The following SPAG9 variants were observed in gnomAD, a reference collection of about 807,000 sequenced individuals.
SPAG9 encodes sperm associated antigen 9, also known as C-Jun-amino-terminal kinase-interacting protein 4.
SPAG9 carries 35 observed loss-of-function variants against 166.5 expected under a neutral mutation model. The observed-to-expected ratio is 0.21, with a 90% confidence interval of 0.16 to 0.28. SPAG9 has a LOEUF of 0.28. Among genes scored for constraint, SPAG9 ranks in the 10% least tolerant of loss-of-function variants. The pLI, the probability that SPAG9 is intolerant of heterozygous loss-of-function variation, is 1.00. For synonymous variants in SPAG9, 534 were observed against 565.5 expected, an observed-to-expected ratio of 0.94 and a Z score of 0.79; for missense variants, 1,235 against 1,603.3, an observed-to-expected ratio of 0.77 and a Z score of 3.92.
Position 50,977,030 on chromosome 17 carries a change from C to G in SPAG9, c.3523+78G>C, listed in dbSNP as rs1025765360. On this transcript the variant is annotated intron_variant, in intron 27 of 29. Transcript: ENST00000262013. ...CCATCACTGATTTTCTGAGCTAACA[C>G]AGATTTGAATTTCAGACATAACTAT... 48 of 904,000 alleles carry G rather than the reference C, an allele frequency of 5.3e-5. No individual in the cohort carries two copies. In the East Asian group the frequency reaches 1.1e-3, roughly 21 times the overall value. 56.0% of individuals were successfully genotyped at this position (904,000 alleles called of 1,614,324 possible).
intron 3 of SPAG9, among the ~76,000 whole-genome samples, chr17:51,054,173 G>A (rs899654599): frequency 7.9e-6 from 1 of 126,672 alleles, no homozygotes; most frequent in African/African-American, 3.0e-5. Context: ...CTGGAGTGTA[G>A]TGGCACAATA....
At chr17:51,064,404 C>G (rs2047603373) in intron 2 of SPAG9, among the ~76,000 whole-genome samples, 1 of 152,212 alleles carries the variant, frequency 6.6e-6, no homozygotes, top group Admixed American at 6.5e-5. Flanking sequence ...AACTGTATTA[C>G]TACAGACTTT....
intron 1 of SPAG9, among the ~76,000 whole-genome samples, chr17:51,081,527 T>A (rs990832213): frequency 6.6e-6 from 1 of 152,092 alleles, no homozygotes. Context: ...GCAGATCACC[T>A]GAGGTCAGGA....
intron 1 of SPAG9, among the ~76,000 whole-genome samples, chr17:51,118,959 G>T (rs1258389007): frequency 6.7e-6 from 1 of 149,576 alleles, no homozygotes; most frequent in South Asian, 2.1e-4. Flanking sequence ...GCTTGAACCC[G>T]GCAGGCAGAG....
At chr17:51,098,385 T>A (rs1166941511) in intron 1 of SPAG9, among the ~76,000 whole-genome samples, 2 of 149,212 alleles carry the variant, frequency 1.3e-5, no homozygotes, top group Non-Finnish European at 3.0e-5. Flanking sequence ...GAGACAGTTA[T>A]AATCACAAAC....
At chr17:51,066,358 G>A (rs1041376371) in intron 2 of SPAG9, among the ~76,000 whole-genome samples, 6 of 151,752 alleles carry the variant, frequency 4.0e-5, no homozygotes, top group South Asian at 2.1e-4. Context: ...CACTCCTCCC[G>A]CCTCAGCTTT....
At chr17:51,067,211 TTACAATAACTCAGTAC>T (rs2047697761) in intron 2 of SPAG9, among the ~76,000 whole-genome samples, 1 of 152,118 alleles carries the variant, frequency 6.6e-6, no homozygotes, top group Non-Finnish European at 1.5e-5. Flanking sequence ...CTGAAAATAC[TTACAATAACTCAGTAC>T]AACAACATAT....
chr17:51,014,204 T>C, intron 9 of SPAG9, 28 bp downstream of exon 9: 2 of 1,574,766 alleles, frequency 1.3e-6, no homozygotes, highest in Non-Finnish European at 8.6e-7. Flanking sequence ...AAAAACAGTA[T>C]GATATTTCTT....
rs116773045 is a variant in SPAG9 at position 51,119,161 on chromosome 17, T to C, written c.303+1193A>G. 3.5e-3 allele frequency among the ~76,000 whole-genome samples: 536 copies of C among 151,686 alleles called. 2 individuals carry two copies. Among genetic ancestry groups the C allele is most frequent in the African/African-American group, 0.012 (514 of 41,320 alleles). ...AAGCTTTTAAAAAAGGAAAAAGAAC[T>C]ATTTAACCAGATGCAAAGGTATACG... On this transcript the variant is annotated intron_variant, in intron 1 of 29. Coordinates refer to ENST00000262013, the MANE Select transcript of SPAG9 (RefSeq NM_001130528.3).
chr17:51,001,267 C>T (rs1376623871), intron 13 of SPAG9, among the ~76,000 whole-genome samples: 2 of 152,030 alleles, frequency 1.3e-5, no homozygotes, highest in African/African-American at 2.4e-5. Context: ...GATTTAAGAG[C>T]CATCTGACTG....
At chr17:51,024,704 ACT>A (rs1387893810) in intron 6 of SPAG9, among the ~76,000 whole-genome samples, 1 of 137,542 alleles carries the variant, frequency 7.3e-6, no homozygotes, top group Non-Finnish European at 1.6e-5. Context: ...AAAGAGCAAG[ACT>A]CTGTCTCAAA....
intron 1 of SPAG9, among the ~76,000 whole-genome samples, chr17:51,083,898 G>A (rs1269323284): frequency 6.6e-6 from 1 of 152,030 alleles, no homozygotes; most frequent in Non-Finnish European, 1.5e-5. Context: ...AGACACTGTA[G>A]TTCCTTCCAC....
At chr17:51,006,873 G>A (rs1260889862) in intron 10 of SPAG9, among the ~76,000 whole-genome samples, 1 of 152,108 alleles carries the variant, frequency 6.6e-6, no homozygotes, top group East Asian at 1.9e-4. Context: ...TGAAGAGGAA[G>A]GCTGAGTATA....
intron 9 of SPAG9, chr17:51,009,119 A>G (rs1287410252): frequency 2.2e-6 from 1 of 450,600 alleles, no homozygotes; most frequent in Admixed American, 2.4e-5. Flanking sequence ...AAATATTCAA[A>G]ATCATACACA....
At chr17:51,006,287 ATC>A in intron 10 of SPAG9, 50 bp from the exon 11 acceptor site, 1 of 1,564,260 alleles carries the variant, frequency 6.4e-7, no homozygotes, top group Non-Finnish European at 8.8e-7. Context: ...TATTCTTTCC[ATC>A]TTTCAGCTAT....
chr17:51,098,744 G>A (rs917400425), intron 1 of SPAG9, among the ~76,000 whole-genome samples: 2 of 151,452 alleles, frequency 1.3e-5, no homozygotes, highest in East Asian at 2.0e-4. Context: ...CGCCCCCCTC[G>A]GCCTCCCAAA....
chr17:51,050,265 A>AG (rs1248518713), intron 3 of SPAG9, among the ~76,000 whole-genome samples: 1 of 152,214 alleles, frequency 6.6e-6, no homozygotes, highest in East Asian at 1.9e-4. Flanking sequence ...AAAATGACTG[A>AG]GGGGGAAAAG....
Position 50,980,958 on chromosome 17 carries a change from C to T in SPAG9, c.3238-1041G>A, listed in dbSNP as rs145504739. On this transcript the variant is annotated intron_variant, in intron 25 of 29. Transcript: ENST00000262013. ...CTGAGGCTGCAGTGAGCTATGATTG[C>T]GCCCCTGCACTCTATCCTGGGTGAC... Among the ~76,000 whole-genome samples the T allele has an allele frequency of 2.1e-3, 323 of 152,228 alleles. 2 individuals carry two copies. The highest frequency in any genetic ancestry group is 7.2e-3 in the African/African-American group (300 of 41,526).
chr17:50,987,031 T>C lies in SPAG9; in HGVS notation c.2939+81A>G, dbSNP rs549649362. ...CATTAATCCACACTTTTTGTATTTG[T>C]TTACCATATTTTACTTATCTTCTGA... On this transcript the variant is annotated intron_variant, in intron 22 of 29. Transcript: ENST00000262013. The C allele has an allele frequency of 2.9e-6, 4 of 1,358,540 alleles. No homozygotes were observed. The South Asian group carries it at 4.2e-5, about 14-fold the overall frequency. The allele number at this position is 1,358,540 out of a possible 1,614,324, so 84.2% of individuals were successfully genotyped here.
Sources: gnomAD v4.1 joint callset for allele counts (sites outside exome capture counted in the v4.1 genomes callset) on GRCh38, gnomAD v4.1.1 for gene constraint, MANE v1.5 for transcripts, NCBI Gene and HGNC (gene_info 2026-07-23, HGNC 2026-07-21) for gene names.